Variants in MAP3K15 observed in about 807,000 individuals in gnomAD.
The protein encoded by MAP3K15 is mitogen-activated protein kinase kinase kinase 15.
MAP3K15 carries 124 observed loss-of-function variants against 99.5 expected under a neutral mutation model. The ratio of observed to expected loss-of-function variants is 1.25; its 90% CI spans 1.08 to 1.45. The LOEUF is 1.45. MAP3K15 is among the 40% of genes most tolerant of loss of function. The pLI is 0.00. For synonymous variants in MAP3K15, 494 were observed against 439.6 expected, an observed-to-expected ratio of 1.12 and a Z score of -1.55; for missense variants, 1,242 against 1,079.7, an observed-to-expected ratio of 1.15 and a Z score of -2.11.
intron 9 of MAP3K15, among the ~76,000 whole-genome samples, chrX:19,418,352 C>T (rs1213965537): frequency 2.7e-5 from 3 of 111,161 alleles, no homozygotes; most frequent in African/African-American, 9.8e-5. Context: ...CTTAAAGGAC[C>T]TGATGGAGCT....
At chrX:19,376,579 G>A (rs1046189745) in intron 19 of MAP3K15, among the ~76,000 whole-genome samples, 2 of 110,742 alleles carry the variant, frequency 1.8e-5, no homozygotes, top group Non-Finnish European at 3.8e-5. Context: ...CTGAGTAGCT[G>A]GGACCACAGG....
intron 1 of MAP3K15, among the ~76,000 whole-genome samples, chrX:19,505,982 T>G (rs1166840819): frequency 8.2e-5 from 9 of 110,099 alleles, no homozygotes; most frequent in Non-Finnish European, 1.1e-4. Context: ...GCTCAGGCTG[T>G]AGTGCAATGG....
At chrX:19,384,066 C>A (rs1182656045) in intron 18 of MAP3K15, among the ~76,000 whole-genome samples, 1 of 111,737 alleles carries the variant, frequency 8.9e-6, no homozygotes, top group Non-Finnish European at 1.9e-5. Context: ...TTCACAATAG[C>A]CAAGATTTGG....
At chrX:19,487,138 G>T (rs1197053554) in intron 2 of MAP3K15, among the ~76,000 whole-genome samples, 1 of 74,780 alleles carries the variant, frequency 1.3e-5, no homozygotes, top group Non-Finnish European at 2.5e-5. Flanking sequence ...GTGGGGGGGG[G>T]GAAGGGCGGA....
chrX:19,503,586 T>C (rs2064455062), intron 1 of MAP3K15, among the ~76,000 whole-genome samples: 1 of 110,736 alleles, frequency 9.0e-6, no homozygotes, highest in South Asian at 3.9e-4. Context: ...CCACCATGCC[T>C]GGCTAATTTT....
chrX:19,386,764 G>A (rs927286088), intron 18 of MAP3K15, among the ~76,000 whole-genome samples: 3 of 111,483 alleles, frequency 2.7e-5, no homozygotes, highest in African/African-American at 9.8e-5. Flanking sequence ...CCGAGGCCCA[G>A]GGACCTTCTA....
intron 7 of MAP3K15, among the ~76,000 whole-genome samples, chrX:19,429,167 C>A (rs1263903921): frequency 9.0e-6 from 1 of 110,543 alleles, no homozygotes; most frequent in Non-Finnish European, 1.9e-5. Flanking sequence ...GAATGGTGAT[C>A]TGAGAGTCTG....
intron 3 of MAP3K15, among the ~76,000 whole-genome samples, chrX:19,483,983 G>A (rs1329775045): frequency 9.0e-6 from 1 of 111,460 alleles, no homozygotes; most frequent in Non-Finnish European, 1.9e-5. Flanking sequence ...CATCACCTGG[G>A]ATCCTTTTAG....
chrX:19,474,760 T>C (rs1013507961), intron 3 of MAP3K15, among the ~76,000 whole-genome samples: 2 of 111,356 alleles, frequency 1.8e-5, no homozygotes, highest in East Asian at 5.6e-4. Context: ...TTTATGCCCA[T>C]CACTACTCCA....
intron 3 of MAP3K15, among the ~76,000 whole-genome samples, chrX:19,465,484 G>A (rs916109003): frequency 2.8e-5 from 3 of 109,030 alleles, no homozygotes; most frequent in East Asian, 2.9e-4. Flanking sequence ...GGTGGCTCAC[G>A]CCTGTAATCC....
chrX:19,442,694 TTTATTATTA>T (rs769205663), intron 6 of MAP3K15, among the ~76,000 whole-genome samples: 3 of 101,285 alleles, frequency 3.0e-5, no homozygotes, highest in Non-Finnish European at 5.9e-5. Context: ...TGGCTTTTAT[TTTATTATTA>T]TTATTATTAT....
rs1213737258 is a variant in MAP3K15, at chrX:19,464,302, C to CT, written c.629dup (p.Pro211AlafsTer20). ...GGCCCAGGATGTTGTCCCAGTTGGG[C>CT]TGCATGTACTCGGAGGCTCGTCTCT... On this transcript the variant is annotated frameshift_variant, in exon 4 of 29. Transcript: ENST00000338883. LOFTEE classifies it high-confidence loss of function. 8.3e-7 allele frequency: 1 copy of CT among 1,197,688 alleles called. No homozygotes were observed. Among genetic ancestry groups the CT allele is most frequent in the African/African-American group, 1.8e-5 (1 of 56,967 alleles).
intron 28 of MAP3K15, 31 bp downstream of exon 28, chrX:19,361,308 T>TC: frequency 9.0e-7 from 1 of 1,112,939 alleles, no homozygotes; most frequent in Non-Finnish European, 1.2e-6. Flanking sequence ...AAAGTTGTAT[T>TC]CTCTTATACA....
At chrX:19,502,852 T>C (rs920446473) in intron 1 of MAP3K15, among the ~76,000 whole-genome samples, 1 of 111,534 alleles carries the variant, frequency 9.0e-6, no homozygotes, top group Non-Finnish European at 1.9e-5. Context: ...CTTTTGTATA[T>C]AAATTACCCA....
At position 19,459,989 on chromosome X, in the gene MAP3K15, A is replaced by T. The variant is rs952918430; in HGVS notation, c.884T>A (p.Ile295Asn). 3.5e-6 allele frequency: 4 copies of T among 1,143,884 alleles called. No individual in the cohort carries two copies. The African/African-American group carries it at 7.3e-5, about 21-fold the overall frequency. The allele number at this position is 1,143,884 out of a possible 1,213,427, so 94.3% of individuals were successfully genotyped here. A position where few individuals can be genotyped will look rare whatever the true frequency, so the allele number is the denominator to read the frequency against. Residue 295 changes from isoleucine to asparagine, a missense_variant, in exon 5 of 29, where the codon ATC becomes AAC. By Grantham distance (149) the Ile-to-Asn change is moderately radical (BLOSUM62 -3). Coordinates refer to ENST00000338883, the MANE Select transcript of MAP3K15 (RefSeq NM_001001671.4). ...IINLLLSYRD[I>N]QDYDAMVKLV... Reference sequence around the variant, plus strand: ...TCGGCTAGGTGGATTTCATACCTGGATATCACGGTAGGACAGGAGTAAGTT... The same window carrying T: ...TCGGCTAGGTGGATTTCATACCTGGTTATCACGGTAGGACAGGAGTAAGTT...
At chrX:19,368,710 G>C (rs2063352640) in intron 25 of MAP3K15, among the ~76,000 whole-genome samples, 1 of 111,586 alleles carries the variant, frequency 9.0e-6, no homozygotes, top group African/African-American at 3.3e-5. Context: ...GAGCCTGCGA[G>C]ACCCACACAC....
At chrX:19,383,540 G>A (rs1262435162) in intron 18 of MAP3K15, among the ~76,000 whole-genome samples, 1 of 112,089 alleles carries the variant, frequency 8.9e-6, no homozygotes, top group African/African-American at 3.3e-5. Context: ...AAAGTGAAGA[G>A]ACAACCCACA....
At chrX:19,381,422 C>T (rs1025029365) in intron 18 of MAP3K15, among the ~76,000 whole-genome samples, 4 of 112,086 alleles carry the variant, frequency 3.6e-5, no homozygotes, top group African/African-American at 9.7e-5. Context: ...AGGAGTCCCA[C>T]CTGGGTTCTA....
chrX:19,506,625 C>A (rs1480855263), intron 1 of MAP3K15, among the ~76,000 whole-genome samples: 1 of 111,244 alleles, frequency 9.0e-6, no homozygotes, highest in African/African-American at 3.3e-5. Context: ...CGGGTTCAAG[C>A]GATTCTCCTG....
Sources: allele counts gnomAD v4.1 joint callset (sites outside exome capture counted in the v4.1 genomes callset), GRCh38; gene constraint gnomAD v4.1.1; transcripts MANE v1.5; gene names NCBI Gene and HGNC (gene_info 2026-07-23, HGNC 2026-07-21).